Variants in POU3F3 observed in about 807,000 individuals in gnomAD.
POU3F3 encodes the protein POU class 3 homeobox 3.
POU3F3 carries 1 observed loss-of-function variant against 8.6 expected under a neutral mutation model. That is an observed-to-expected ratio of 0.12 (90% CI 0.04 to 0.55). The LOEUF is 0.55. Among genes scored for constraint, POU3F3 ranks in the 20% least tolerant of loss-of-function variants. POU3F3 has a pLI of 0.91. For missense variants in POU3F3, 577 were observed against 690.7 expected, an observed-to-expected ratio of 0.84 and a Z score of 1.84; for synonymous variants, 418 against 327.4, an observed-to-expected ratio of 1.28 and a Z score of -2.99.
chr2:104,882,286 G>A, the POU3F3 span, among the ~76,000 whole-genome samples: 299 of 136,626 alleles, frequency 2.2e-3, 3 homozygotes, highest in East Asian at 0.026. Flanking sequence ...TCACTCCGTC[G>A]CCCAGGCTGG....
chr2:104,892,702 T>C, the POU3F3 span, among the ~76,000 whole-genome samples: 1 of 151,754 alleles, frequency 6.6e-6, no homozygotes, highest in Non-Finnish European at 1.5e-5. Context: ...TATATATGTA[T>C]ATATACACAC....
chr2:104,895,328 G>A, the POU3F3 span, among the ~76,000 whole-genome samples: 1 of 152,164 alleles, frequency 6.6e-6, no homozygotes, highest in African/African-American at 2.4e-5. Flanking sequence ...CAGGCGCTAT[G>A]ACTCTCTTCA....
Position 104,856,692 on chromosome 2 carries a change from C to G in POU3F3, c.1182C>G (p.Pro394=). 1 of 1,614,138 alleles carries G rather than the reference C, an allele frequency of 6.2e-7. No individual in the cohort carries two copies. The highest frequency in any genetic ancestry group is 1.3e-5 in the African/African-American group (1 of 75,064). ...LEEADSSTGS[P]TSIDKIAAQG... is the part of the protein sequence containing the mutation. ...AGGCGGACTCAAGCACCGGCAGCCC[C>G]ACAAGCATCGACAAGATCGCGGCGC... is the stretch of plus-strand genomic sequence containing the variant. Residue 394 remains proline (P), a synonymous_variant, in exon 1 of 1, where the codon CCC becomes CCG. Coordinates refer to ENST00000361360, the MANE Select transcript of POU3F3 (RefSeq NM_006236.3).
chr2:104,914,371 C>T, the POU3F3 span, among the ~76,000 whole-genome samples: 1 of 152,178 alleles, frequency 6.6e-6, no homozygotes, highest in African/African-American at 2.4e-5. Context: ...CCTTCCAGCT[C>T]CTCTGATGGG....
chr2:104,917,642 T>A, the POU3F3 span, among the ~76,000 whole-genome samples: 1 of 152,230 alleles, frequency 6.6e-6, no homozygotes, highest in East Asian at 1.9e-4. Flanking sequence ...TGTAAGGAAG[T>A]GAGGGAAGGT....
chr2:104,882,139 TTA>T, the POU3F3 span, among the ~76,000 whole-genome samples: 1 of 152,204 alleles, frequency 6.6e-6, no homozygotes, highest in African/African-American at 2.4e-5. Flanking sequence ...GAAAGGTTGT[TTA>T]TATGTTTTTC....
At chr2:104,887,588 G>A in the POU3F3 span, among the ~76,000 whole-genome samples, 1 of 152,214 alleles carries the variant, frequency 6.6e-6, no homozygotes, top group African/African-American at 2.4e-5. Flanking sequence ...CCCCAGCCCA[G>A]AGCAAGAGAC....
At chr2:104,871,020 G>A in the POU3F3 span, among the ~76,000 whole-genome samples, 1 of 152,134 alleles carries the variant, frequency 6.6e-6, no homozygotes, top group East Asian at 1.9e-4. Context: ...TGCTGCCTGG[G>A]TTCCCCATTC....
the POU3F3 span, among the ~76,000 whole-genome samples, chr2:104,875,798 C>T: frequency 6.6e-6 from 1 of 152,162 alleles, no homozygotes; most frequent in Non-Finnish European, 1.5e-5. Flanking sequence ...CTCATTGCAA[C>T]CTCTGTCTCC....
chr2:104,857,087 TGCCGCC>T lies in POU3F3; in HGVS notation c.*98_*103del, dbSNP rs895839135. ...CCGCCGTCAGCACCGCCGCCGCCCC[TGCCGCC>T]GCCGCCGCCGCCGCCGCCGCCGCTG... is the stretch of plus-strand genomic sequence containing the variant. On this transcript the variant is annotated 3_prime_UTR_variant, in exon 1 of 1. Coordinates refer to ENST00000361360, the MANE Select transcript of POU3F3 (RefSeq NM_006236.3). 144 of 1,002,150 alleles carry T rather than the reference TGCCGCC, an allele frequency of 1.4e-4. No homozygotes were observed. Among genetic ancestry groups the T allele is most frequent in the South Asian group, 2.7e-4 (6 of 21,960 alleles). 62.1% of individuals were successfully genotyped at this position (1,002,150 alleles called of 1,614,324 possible). A position where few individuals can be genotyped will look rare whatever the true frequency, so the allele number is the denominator to read the frequency against.
chr2:104,900,777 C>T, the POU3F3 span, among the ~76,000 whole-genome samples: 1 of 152,116 alleles, frequency 6.6e-6, no homozygotes. Context: ...CTGCCCGTGG[C>T]CAGGAAGGTA....
At chr2:104,898,833 A>G in the POU3F3 span, among the ~76,000 whole-genome samples, 65 of 152,350 alleles carry the variant, frequency 4.3e-4, no homozygotes, top group Non-Finnish European at 3.2e-4. Flanking sequence ...CCCACAGGAT[A>G]AGGAAAGAAT....
the POU3F3 span, among the ~76,000 whole-genome samples, chr2:104,919,356 A>G: frequency 6.6e-6 from 1 of 152,142 alleles, no homozygotes; most frequent in Non-Finnish European, 1.5e-5. Flanking sequence ...AGCATCTGAG[A>G]TGAACACTGG....
chr2:104,881,540 GCTGTCTCT>G, the POU3F3 span, among the ~76,000 whole-genome samples: 5 of 151,896 alleles, frequency 3.3e-5, no homozygotes, highest in African/African-American at 1.2e-4. Context: ...TCTTTCTCTT[GCTGTCTCT>G]CTGTCTCCGT....
chr2:104,913,203 T>A, the POU3F3 span, among the ~76,000 whole-genome samples: 5 of 151,764 alleles, frequency 3.3e-5, no homozygotes, highest in South Asian at 6.3e-4. Flanking sequence ...TTTTTTTTTT[T>A]AAAGAATAGA....
Position 104,856,237 on chromosome 2 carries a change from G to A in POU3F3, c.727G>A (p.Gly243Ser). 2 of 1,275,730 alleles carry A rather than the reference G, an allele frequency of 1.6e-6. No individual in the cohort carries two copies. The highest frequency in any genetic ancestry group is 5.9e-5 in the South Asian group (2 of 33,878). The allele number at this position is 1,275,730 out of a possible 1,614,324, so 79.0% of individuals were successfully genotyped here. ...MLSAPPGPGGGGGGAGGGAQS... is the reference protein window; with the variant it reads ...MLSAPPGPGGSGGGAGGGAQS... ...GAGCGCGCCACCGGGGCCCGGCGGCGGCGGCGGCGGCGCGGGCGGTGGAGC... is the reference window on the plus strand; with the variant it reads ...GAGCGCGCCACCGGGGCCCGGCGGCAGCGGCGGCGGCGCGGGCGGTGGAGC... Residue 243 changes from glycine (G) to serine (S), a missense_variant, in exon 1 of 1, where the codon GGC (glycine) becomes AGC (serine). By Grantham distance (56) the Gly-to-Ser change is moderately conservative. Coordinates refer to ENST00000361360, the MANE Select transcript of POU3F3 (RefSeq NM_006236.3).
chr2:104,859,836 C>T (rs1023398532), downstream of POU3F3, among the ~76,000 whole-genome samples: 35 of 152,100 alleles, frequency 2.3e-4, no homozygotes, highest in African/African-American at 8.2e-4. Context: ...CTTCTTGTTC[C>T]CTATTTCTCT....
At chr2:104,865,348 G>C in the POU3F3 span, 1 of 152,228 alleles carries the variant, frequency 6.6e-6, no homozygotes, top group Non-Finnish European at 1.5e-5. Context: ...CCTGAGGTAT[G>C]TCTGGAGCTT....
the POU3F3 span, among the ~76,000 whole-genome samples, chr2:104,918,797 A>G: frequency 6.6e-6 from 1 of 152,112 alleles, no homozygotes; most frequent in Non-Finnish European, 1.5e-5. Context: ...AGGCTAATAC[A>G]TAGAGTAATT....
Sources: allele counts gnomAD v4.1 joint callset (sites outside exome capture counted in the v4.1 genomes callset), GRCh38; gene constraint gnomAD v4.1.1; transcripts MANE v1.5; gene names NCBI Gene and HGNC (gene_info 2026-07-23, HGNC 2026-07-21).